Variants in STAT5B observed in about 807,000 individuals in gnomAD.
STAT5B encodes the protein transcription factor STAT5B.
STAT5B carries 21 observed loss-of-function variants against 107.8 expected under a neutral mutation model. That is an observed-to-expected ratio of 0.19 (90% CI 0.14 to 0.28). The LOEUF is 0.28. STAT5B is among the 10% of genes least tolerant of loss of function. The pLI is 1.00. For synonymous variants in STAT5B, 325 were observed against 401.7 expected (o/e 0.81, Z 2.28); for missense variants, 565 against 1,008.2 (o/e 0.56, Z 5.95).
intron 15 of STAT5B, among the ~76,000 whole-genome samples, chr17:42,209,325 G>A (rs1313985916): frequency 6.6e-6 from 1 of 152,064 alleles, no homozygotes; most frequent in Non-Finnish European, 1.5e-5. Context: ...AAAGTGCTGG[G>A]ATTACAGGCA....
intron 1 of STAT5B, among the ~76,000 whole-genome samples, chr17:42,247,812 G>A (rs895322316): frequency 2.0e-5 from 3 of 152,046 alleles, no homozygotes; most frequent in South Asian, 2.1e-4. Context: ...AAGTAGTAGC[G>A]TGTGGTGGCG....
In STAT5B at chr17:42,200,273, C is replaced by T. The variant is rs1258103175; in HGVS notation, c.*1465G>A. 2 of 152,634 alleles carry T rather than the reference C, an allele frequency of 1.3e-5. No homozygotes were observed. Among genetic ancestry groups the T allele is most frequent in the Admixed American group, 6.6e-5 (1 of 15,262 alleles). The allele number at this position is 152,634 out of a possible 1,614,324, so 9.5% of individuals were successfully genotyped here. A position where few individuals can be genotyped will look rare whatever the true frequency, so the allele number is the denominator to read the frequency against. ...ATAAAAATAAGGTTTTTGGGGCCAT[C>T]CTCTCCTGGGGGTGCCCATGCCCTT... On this transcript the variant is annotated 3_prime_UTR_variant, in exon 19 of 19. Transcript: ENST00000293328.
At chr17:42,263,143 C>T (rs1222780082) in intron 1 of STAT5B, among the ~76,000 whole-genome samples, 1 of 148,234 alleles carries the variant, frequency 6.7e-6, no homozygotes, top group Non-Finnish European at 1.5e-5. Context: ...TCAAGCAATC[C>T]TTTCACCTCT....
the STAT5B span, chr17:42,287,533 G>C: frequency 2.0e-5 from 3 of 152,540 alleles, no homozygotes; most frequent in African/African-American, 7.2e-5. Context: ...CTTGGAGAGG[G>C]GGACTGAGGC....
chr17:42,250,740 T>C (rs1023215458), intron 1 of STAT5B, among the ~76,000 whole-genome samples: 9 of 151,988 alleles, frequency 5.9e-5, no homozygotes, highest in East Asian at 1.9e-4. Context: ...CTGGCTAGCA[T>C]GGTGAAACCC....
intron 1 of STAT5B, chr17:42,269,484 G>C (rs1056540606): frequency 1.3e-5 from 2 of 152,004 alleles, no homozygotes; most frequent in Non-Finnish European, 2.9e-5. Flanking sequence ...ATCAGACATA[G>C]AAAAAAAGAA....
At chr17:42,219,647 C>T in intron 6 of STAT5B, 65 bp downstream of exon 6, 1 of 1,530,942 alleles carries the variant, frequency 6.5e-7, no homozygotes, top group South Asian at 1.2e-5. Context: ...CCCAGCCCTC[C>T]CTCGGGTCCC....
At chr17:42,225,502 C>G (rs1471230063) in intron 3 of STAT5B, among the ~76,000 whole-genome samples, 1 of 152,088 alleles carries the variant, frequency 6.6e-6, no homozygotes, top group Non-Finnish European at 1.5e-5. Flanking sequence ...ATGTGATACC[C>G]GAGAAGGACA....
intron 12 of STAT5B, among the ~76,000 whole-genome samples, chr17:42,214,036 G>A (rs1157819119): frequency 6.6e-6 from 1 of 151,530 alleles, no homozygotes; most frequent in Non-Finnish European, 1.5e-5. Context: ...CCAGCTTCTC[G>A]GGAGGCTGAG....
At position 42,217,369 on chromosome 17, in the gene STAT5B, A is replaced by C; in HGVS notation, c.1257+8T>G. The C allele has an allele frequency of 6.2e-7, 1 of 1,614,196 alleles. No homozygotes were observed. The highest frequency in any genetic ancestry group is 8.5e-7 in the Non-Finnish European group (1 of 1,180,034). ...AAAAATTCATTCTTCCTCTTCTTCC[A>C]CCCTCACCATATTCCTGAAGTGGGC... On this transcript the variant is annotated splice_region_variant and intron_variant, in intron 10 of 18. Transcript: ENST00000293328.
At chr17:42,222,751 G>A (rs1445231360) in intron 5 of STAT5B, among the ~76,000 whole-genome samples, 1 of 145,834 alleles carries the variant, frequency 6.9e-6, no homozygotes, top group Non-Finnish European at 1.5e-5. Flanking sequence ...GTGAGATCTC[G>A]GCTCCCTGCA....
At chr17:42,279,340 C>T (rs1450128863), upstream of STAT5B, among the ~76,000 whole-genome samples, 1 of 152,164 alleles carries the variant, frequency 6.6e-6, no homozygotes, top group Non-Finnish European at 1.5e-5. Context: ...TAAGTGTTTA[C>T]TACATGTAAA....
chr17:42,210,049 A>C (rs2080116135), intron 15 of STAT5B, 122 bp downstream of exon 15: 1 of 1,447,986 alleles, frequency 6.9e-7, no homozygotes, highest in African/African-American at 1.4e-5. Flanking sequence ...ATGGCTATAC[A>C]TTTATGTTTC....
chr17:42,275,966 A>G lies in STAT5B; in HGVS notation c.-11+282T>C, dbSNP rs530889029. 3.4e-3 allele frequency among the ~76,000 whole-genome samples: 514 copies of G among 151,674 alleles called. 1 individual carries two copies. The highest frequency in any genetic ancestry group is 0.012 in the African/African-American group (492 of 41,370). On this transcript the variant is annotated intron_variant, in intron 1 of 18. Coordinates refer to ENST00000293328, the MANE Select transcript of STAT5B (RefSeq NM_012448.4). ...GGGTCCCCACACACCCACTCAGCAC[A>G]CGCGCACGCAGCCTTTAAAGCGCAC...
intron 2 of STAT5B, among the ~76,000 whole-genome samples, chr17:42,230,359 C>T (rs1598313440): frequency 1.3e-5 from 2 of 152,152 alleles, no homozygotes; most frequent in South Asian, 2.1e-4. Flanking sequence ...ATGGCTAAGA[C>T]GGTGAGGCTT....
intron 1 of STAT5B, among the ~76,000 whole-genome samples, chr17:42,262,938 ATATATG>A (rs1328357052): frequency 4.4e-5 from 2 of 45,644 alleles, no homozygotes; most frequent in Admixed American, 1.9e-4. Flanking sequence ...ATATATGTAT[ATATATG>A]TGTGTGTGTG....
At position 42,227,543 on chromosome 17, in the gene STAT5B, C is replaced by T; in HGVS notation, c.271G>A (p.Ala91Thr). 1.2e-6 allele frequency: 2 copies of T among 1,613,364 alleles called. No individual in the cohort carries two copies. Among genetic ancestry groups the T allele is most frequent in the Non-Finnish European group, 1.7e-6 (2 of 1,179,856 alleles). Residue 91 changes from alanine to threonine, a missense_variant, in exon 3 of 19, where the codon GCC becomes ACC. Physicochemically the swap from Ala to Thr is moderately conservative, Grantham distance 58. Coordinates refer to ENST00000293328, the MANE Select transcript of STAT5B (RefSeq NM_012448.4). ...FLLKIKLGHY[A>T]TQLQNTYDRC... ...CCCACACCCACCTGGAGCTGTGTGG[C>T]ATAGTGCCCCAGCTTGATCTTCAGT...
Position 42,218,768 on chromosome 17 carries a change from T to G in STAT5B, c.944A>C (p.Glu315Ala), listed in dbSNP as rs572536541. The G allele has an allele frequency of 1.2e-3, 1,857 of 1,612,778 alleles. 37 individuals carry two copies. The South Asian group carries it at 0.019, about 16-fold the overall frequency. ...AATGTCCGTGATGGTGGCGTTGACC[T>G]CGGCCAGCATCTCCTCCACTGGGCC... ...IPGPVEEMLA[E>A]VNATITDIIS... is the part of the protein sequence containing the mutation. Residue 315 changes from glutamate to alanine, a missense_variant, in exon 8 of 19, where the codon GAG (glutamate) becomes GCG (alanine). Glu to Ala is a moderately radical substitution (Grantham distance 107). Around this residue, in one of 11 missense-constraint regions of STAT5B, gnomAD observed 48 missense variants for 106.5 expected, o/e 0.45. Coordinates refer to ENST00000293328, the MANE Select transcript of STAT5B (RefSeq NM_012448.4).
rs556165435 is a variant in STAT5B at position 42,202,659 on chromosome 17, C to T, written c.2129+98G>A. 1.2e-4 allele frequency: 195 copies of T among 1,595,902 alleles called. No homozygotes were observed. The African/African-American group carries it at 1.6e-3, about 13-fold the overall frequency. On this transcript the variant is annotated intron_variant, in intron 17 of 18. Transcript: ENST00000293328. The stretch of plus-strand genomic sequence containing the variant: ...TTCCCCAGGGCTGAGACAGTTTCCC[C>T]GGGGGAGCGGAAAGCTGGGCCAGGA...
Sources: gnomAD v4.1 joint callset for allele counts (sites outside exome capture counted in the v4.1 genomes callset) on GRCh38, gnomAD v4.1.1 for gene constraint, gnomAD v4.1.1 regional missense constraint, MANE v1.5 for transcripts, NCBI Gene and HGNC (gene_info 2026-07-23, HGNC 2026-07-21) for gene names.